Variants in PCDHGA3 observed in about 807,000 individuals in gnomAD.
PCDHGA3 encodes protocadherin gamma-A3.
A neutral mutation model predicts 58.5 loss-of-function variants in PCDHGA3; 40 were observed. The observed-to-expected ratio is 0.68, with a 90% CI of 0.53 to 0.89. The LOEUF is 0.89. Ranked by LOEUF, PCDHGA3 falls within the 40% of genes least tolerant of loss-of-function variation. The pLI, the probability that PCDHGA3 is intolerant of heterozygous loss-of-function variation, is 0.00. For missense variants in PCDHGA3, 1,223 were observed against 1,195.9 expected, an observed-to-expected ratio of 1.02 and a Z score of -0.33; for synonymous variants, 530 against 525.7, an observed-to-expected ratio of 1.01 and a Z score of -0.11.
intron 1 of PCDHGA3, among the ~76,000 whole-genome samples, chr5:141,438,935 G>A (rs1306603362): frequency 6.6e-6 from 1 of 151,810 alleles, no homozygotes; most frequent in African/African-American, 2.4e-5. Context: ...CAAAGTGCTG[G>A]GATTATAGGC....
At chr5:141,353,798 T>C (rs1173677815) in intron 1 of PCDHGA3, among the ~76,000 whole-genome samples, 3 of 152,230 alleles carry the variant, frequency 2.0e-5, no homozygotes, top group Non-Finnish European at 2.9e-5. Flanking sequence ...CCAAACATCT[T>C]ATTTCACCTC....
At chr5:141,470,734 G>A (rs970003510) in intron 1 of PCDHGA3, among the ~76,000 whole-genome samples, 1 of 152,128 alleles carries the variant, frequency 6.6e-6, no homozygotes, top group Non-Finnish European at 1.5e-5. Context: ...GTCTTGCTCT[G>A]TCGCCCTGGC....
rs1182012859 is a variant in PCDHGA3 at position 141,345,060 on chromosome 5, A to G, written c.1027A>G (p.Asn343Asp). 5 of 1,613,980 alleles carry G rather than the reference A, an allele frequency of 3.1e-6. No homozygotes were observed. The highest frequency in any genetic ancestry group is 4.2e-6 in the Non-Finnish European group (5 of 1,179,890). The change falls in exon 1 of 4, where the codon AAT becomes GAT. Residue 343 changes from asparagine (N) to aspartate (D), a missense_variant. Asn to Asp is a conservative substitution (Grantham distance 23, BLOSUM62 1). Around this residue, in one of 3 missense-constraint regions of PCDHGA3, gnomAD observed 791 missense variants for 708.5 expected, o/e 1.12. Transcript: ENST00000253812. ...AGTCACGGTTCTGGATGTGAATGAC[A>G]ATGCTCCAGAAATTACAATCACGTC... is the stretch of plus-strand genomic sequence containing the variant. Reference protein sequence around the residue: ...ILVTVLDVNDNAPEITITSLT... With the variant: ...ILVTVLDVNDDAPEITITSLT...
chr5:141,430,910 G>A lies in PCDHGA3; in HGVS notation c.2425-63897G>A. The A allele has an allele frequency of 6.2e-7, 1 of 1,608,040 alleles. No homozygotes were observed. The highest frequency in any genetic ancestry group is 8.5e-7 in the Non-Finnish European group (1 of 1,177,584). On this transcript the variant is annotated intron_variant, in intron 1 of 3. Coordinates refer to ENST00000253812, the MANE Select transcript of PCDHGA3 (RefSeq NM_018916.4). ...CTCTAGGGTGGGCGACATCTCCAGG[G>A]ACCTGGGGCTGGAGCCCCGGGAGCT...
At position 141,487,796 on chromosome 5, in the gene PCDHGA3, T is replaced by C. The variant is rs766798983; in HGVS notation, c.2425-7011T>C. ...TAACTGTTTCGTGAATTAACCAGAG[T>C]TGTCACAGTTTAGCATTGGGGGCGG... On this transcript the variant is annotated intron_variant, in intron 1 of 3. Coordinates refer to ENST00000253812, the MANE Select transcript of PCDHGA3 (RefSeq NM_018916.4). The surrounding 1 kb of genome is among the most constrained non-coding windows in gnomAD (Gnocchi z 5.0). 15 of 1,498,660 alleles carry C rather than the reference T, an allele frequency of 1.0e-5. No homozygotes were observed. The highest frequency in any genetic ancestry group is 1.4e-5 in the Non-Finnish European group (15 of 1,110,900). 92.8% of individuals were successfully genotyped at this position (1,498,660 alleles called of 1,614,324 possible). A position where few individuals can be genotyped will look rare whatever the true frequency, so the allele number is the denominator to read the frequency against.
intron 2 of PCDHGA3, among the ~76,000 whole-genome samples, chr5:141,498,024 A>G (rs1455238086): frequency 6.6e-6 from 1 of 152,200 alleles, no homozygotes; most frequent in East Asian, 1.9e-4. Flanking sequence ...GGAGACAAAT[A>G]TTGACCAAAT....
chr5:141,436,414 A>G (rs1459862288), intron 1 of PCDHGA3, among the ~76,000 whole-genome samples: 1 of 152,234 alleles, frequency 6.6e-6, no homozygotes, highest in East Asian at 1.9e-4. Flanking sequence ...ATGAATGGAT[A>G]AACAAATAAT....
intron 1 of PCDHGA3, chr5:141,404,668 T>C: frequency 6.2e-7 from 1 of 1,614,148 alleles, no homozygotes; most frequent in Non-Finnish European, 8.5e-7. Flanking sequence ...CTGATGGTTC[T>C]ACTGGTGTGG....
intron 1 of PCDHGA3, chr5:141,419,960 G>A (rs773071584): frequency 5.0e-6 from 8 of 1,613,960 alleles, no homozygotes; most frequent in South Asian, 4.4e-5. Context: ...CTTGATTTCT[G>A]TGCTCTTTCT....
intron 1 of PCDHGA3, among the ~76,000 whole-genome samples, chr5:141,453,779 C>T (rs138335951): frequency 0.013 from 2,000 of 152,278 alleles, 24 homozygotes; most frequent in Non-Finnish European, 0.021. Flanking sequence ...ATTTTAGTTA[C>T]CATGGTATAT....
chr5:141,483,872 T>A (rs1373802168), intron 1 of PCDHGA3, among the ~76,000 whole-genome samples: 1 of 152,080 alleles, frequency 6.6e-6, no homozygotes, highest in African/African-American at 2.4e-5. Context: ...CAGATCAGGA[T>A]GGATTTTTCT....
intron 1 of PCDHGA3, chr5:141,396,121 G>T: frequency 6.6e-6 from 1 of 152,188 alleles, no homozygotes. Context: ...AATGTTTCAG[G>T]TACACAAGTT....
intron 1 of PCDHGA3, chr5:141,370,538 G>A: frequency 3.1e-6 from 5 of 1,613,906 alleles, no homozygotes; most frequent in Non-Finnish European, 4.2e-6. Context: ...CGCTGGTAGG[G>A]AACCTCGCCA....
At chr5:141,365,169 C>T in intron 1 of PCDHGA3, 1 of 1,613,926 alleles carries the variant, frequency 6.2e-7, no homozygotes, top group Non-Finnish European at 8.5e-7. Flanking sequence ...TTGACCTACT[C>T]TTTTCGCAAT....
In PCDHGA3 at chr5:141,394,367, A is replaced by G. The variant is rs201573539; in HGVS notation, c.2424+47910A>G. 248 of 1,614,150 alleles carry G rather than the reference A, an allele frequency of 1.5e-4. 1 individual carries two copies. Among genetic ancestry groups the G allele is most frequent in the Middle Eastern group, 1.2e-3 (7 of 6,062 alleles). The stretch of plus-strand genomic sequence containing the variant: ...ACACCGGTGTCCTGTATGCGCTGCA[A>G]TCTTTCGACTATGAGCAGATCCGAG... On this transcript the variant is annotated intron_variant, in intron 1 of 3. Coordinates refer to ENST00000253812, the MANE Select transcript of PCDHGA3 (RefSeq NM_018916.4).
At chr5:141,380,975 T>C (rs1776901580) in intron 1 of PCDHGA3, among the ~76,000 whole-genome samples, 2 of 152,246 alleles carry the variant, frequency 1.3e-5, no homozygotes, top group Non-Finnish European at 2.9e-5. Flanking sequence ...ATTAAACAAA[T>C]AGAATTTAAC....
chr5:141,351,712 C>T (rs1758796018), intron 1 of PCDHGA3: 1 of 1,613,512 alleles, frequency 6.2e-7, no homozygotes, highest in Non-Finnish European at 8.5e-7. Context: ...GCAGAGTCTC[C>T]TACTCTATTC....
At chr5:141,370,175 T>C in intron 1 of PCDHGA3, 1 of 463,044 alleles carries the variant, frequency 2.2e-6, no homozygotes, top group East Asian at 3.2e-5. Context: ...AGGCGCCGGG[T>C]GCCGCTCTTG....
At chr5:141,400,268 C>T (rs976476082) in intron 1 of PCDHGA3, 3 of 1,613,962 alleles carry the variant, frequency 1.9e-6, no homozygotes, top group East Asian at 4.5e-5. Flanking sequence ...CTGCGACGCT[C>T]CTCCAGCCCT....
Sources: gnomAD v4.1 joint callset for allele counts (sites outside exome capture counted in the v4.1 genomes callset) on GRCh38, gnomAD v4.1.1 for gene constraint, gnomAD v4.1.1 regional missense constraint, Gnocchi (gnomAD v3.1) non-coding constraint, MANE v1.5 for transcripts, NCBI Gene and HGNC (gene_info 2026-07-23, HGNC 2026-07-21) for gene names.